Variants in FNDC3B observed in about 807,000 individuals in gnomAD.
FNDC3B encodes the protein fibronectin type III domain-containing protein 3B.
Under a neutral mutation model 151.5 loss-of-function variants are expected in FNDC3B, and 12 were observed. That is an observed-to-expected ratio of 0.08 (90% CI 0.05 to 0.13). The LOEUF (loss-of-function observed/expected upper bound fraction) is 0.13. Ranked by LOEUF, FNDC3B falls within the 10% of genes least tolerant of loss-of-function variation. The probability of loss-of-function intolerance (pLI) is 1.00; values close to 1 mark genes in which losing one functional copy is unlikely to be tolerated. For synonymous variants in FNDC3B, 528 were observed against 549.0 expected (o/e 0.96, Z 0.54); for missense variants, 1,214 against 1,505.3 (o/e 0.81, Z 3.20).
At chr3:172,135,074 G>A (rs1721295073) in intron 3 of FNDC3B, among the ~76,000 whole-genome samples, 2 of 151,754 alleles carry the variant, frequency 1.3e-5, no homozygotes, top group Admixed American at 6.6e-5. Flanking sequence ...CAGTAAGAAA[G>A]CAATTAAGCC....
intron 9 of FNDC3B, 99 bp downstream of exon 9, chr3:172,298,886 T>G (rs1489098282): frequency 2.5e-5 from 19 of 762,524 alleles, no homozygotes; most frequent in Non-Finnish European, 3.8e-5. Flanking sequence ...GTTGCTTACC[T>G]TGCTGAAAGT....
intron 12 of FNDC3B, chr3:172,329,803 G>A (rs1388885617): frequency 6.6e-6 from 1 of 152,088 alleles, no homozygotes; most frequent in Admixed American, 6.5e-5. Flanking sequence ...CCACCACCAT[G>A]GTAGCCATTA....
At chr3:172,247,126 T>C (rs1301801138) in intron 4 of FNDC3B, among the ~76,000 whole-genome samples, 1 of 152,168 alleles carries the variant, frequency 6.6e-6, no homozygotes, top group Non-Finnish European at 1.5e-5. Flanking sequence ...AGTACTTAGG[T>C]GGCACAGAAA....
At chr3:172,066,607 A>G (rs1215977741) in intron 1 of FNDC3B, among the ~76,000 whole-genome samples, 1 of 152,186 alleles carries the variant, frequency 6.6e-6, no homozygotes, top group African/African-American at 2.4e-5. Flanking sequence ...CTTGGTCACA[A>G]GGCTCAGATT....
intron 1 of FNDC3B, among the ~76,000 whole-genome samples, chr3:172,042,926 G>T (rs1446209510): frequency 6.7e-6 from 1 of 150,086 alleles, no homozygotes; most frequent in African/African-American, 2.5e-5. Flanking sequence ...CCTCCGCCTT[G>T]CTGGTTGAGA....
At chr3:172,100,166 G>A (rs1057143426) in intron 1 of FNDC3B, among the ~76,000 whole-genome samples, 17 of 152,122 alleles carry the variant, frequency 1.1e-4, no homozygotes, top group African/African-American at 2.4e-4. Context: ...TTTAAAACCC[G>A]TTAATGAATT....
chr3:172,054,374 C>T (rs1425681186), intron 1 of FNDC3B, among the ~76,000 whole-genome samples: 1 of 152,152 alleles, frequency 6.6e-6, no homozygotes, highest in Non-Finnish European at 1.5e-5. Context: ...ACCCTAAATG[C>T]GTCCTTTGTT....
intron 6 of FNDC3B, among the ~76,000 whole-genome samples, chr3:172,281,791 A>G (rs559046914): frequency 6.6e-6 from 1 of 152,340 alleles, no homozygotes; most frequent in East Asian, 1.9e-4. Flanking sequence ...GAATAAAAGA[A>G]GCTACCCTAA....
intron 3 of FNDC3B, among the ~76,000 whole-genome samples, chr3:172,218,288 G>A (rs1390620821): frequency 5.3e-5 from 8 of 152,048 alleles, no homozygotes; most frequent in Non-Finnish European, 1.0e-4. Flanking sequence ...CTAGGGTTGG[G>A]GGGAGTAGAC....
intron 3 of FNDC3B, among the ~76,000 whole-genome samples, chr3:172,223,240 A>T (rs146048035): frequency 6.2e-4 from 94 of 152,334 alleles, no homozygotes; most frequent in African/African-American, 2.1e-3. Flanking sequence ...TTTTCGTACC[A>T]CTATGGTGAA....
At chr3:172,311,826 C>T (rs1408839825) in intron 11 of FNDC3B, among the ~76,000 whole-genome samples, 3 of 150,542 alleles carry the variant, frequency 2.0e-5, no homozygotes, top group Admixed American at 6.6e-5. Flanking sequence ...TGCAGTGAGC[C>T]GAGATCGCAC....
At chr3:172,204,934 G>T (rs923295736) in intron 3 of FNDC3B, among the ~76,000 whole-genome samples, 1 of 152,210 alleles carries the variant, frequency 6.6e-6, no homozygotes, top group East Asian at 1.9e-4. Context: ...GGTCTGTGTT[G>T]CTTATTGAGT....
At chr3:172,251,171 T>A in intron 5 of FNDC3B, 89 bp from the exon 6 acceptor site, 1 of 1,050,860 alleles carries the variant, frequency 9.5e-7, no homozygotes, top group Non-Finnish European at 1.4e-6. Context: ...TACTTTAGAC[T>A]TCTTCAGGAG....
At chr3:172,142,865 T>C (rs1169517411) in intron 3 of FNDC3B, among the ~76,000 whole-genome samples, 1 of 152,226 alleles carries the variant, frequency 6.6e-6, no homozygotes, top group Non-Finnish European at 1.5e-5. Context: ...AAGATCAAGA[T>C]ACTAGCTTCT....
intron 3 of FNDC3B, among the ~76,000 whole-genome samples, chr3:172,147,750 G>A (rs981475457): frequency 6.6e-6 from 1 of 152,080 alleles, no homozygotes; most frequent in Non-Finnish European, 1.5e-5. Context: ...TGGTTCAGGA[G>A]TTCTGAGACT....
chr3:172,346,137 C>T, intron 19 of FNDC3B, 190 bp from the exon 20 acceptor site: 1 of 355,634 alleles, frequency 2.8e-6, no homozygotes, highest in Non-Finnish European at 5.0e-6. Flanking sequence ...TACTCAGGGA[C>T]TGTATATAGG....
chr3:172,352,592 G>A lies in FNDC3B; in HGVS notation c.2515-211G>A, dbSNP rs938992476. Among the ~76,000 whole-genome samples the A allele has an allele frequency of 6.6e-6, 1 of 152,142 alleles. No individual in the cohort carries two copies. The highest frequency in any genetic ancestry group is 1.5e-5 in the Non-Finnish European group (1 of 68,026). On this transcript the variant is annotated intron_variant, in intron 21 of 25. Coordinates refer to ENST00000415807, the MANE Select transcript of FNDC3B (RefSeq NM_022763.4). This position sits in a 1 kb window ranked among gnomAD's most constrained non-coding sequence, Gnocchi z 4.2. ...TAAATTATTTGTCATAAGAAACGAT[G>A]GTGGCCATATTTTGCTTTAATAATG...
At chr3:172,057,536 G>T (rs1716973646) in intron 1 of FNDC3B, among the ~76,000 whole-genome samples, 2 of 152,134 alleles carry the variant, frequency 1.3e-5, no homozygotes, top group East Asian at 3.8e-4. Flanking sequence ...AGGGGTTGGG[G>T]GGAAGAACAA....
chr3:172,323,816 T>A (rs1732209546), intron 11 of FNDC3B, among the ~76,000 whole-genome samples: 1 of 152,128 alleles, frequency 6.6e-6, no homozygotes, highest in African/African-American at 2.4e-5. Context: ...TAGACTCCCA[T>A]TATTAATTAG....
Sources: allele counts gnomAD v4.1 joint callset (sites outside exome capture counted in the v4.1 genomes callset), GRCh38; gene constraint gnomAD v4.1.1; non-coding constraint Gnocchi (gnomAD v3.1); transcripts MANE v1.5; gene names NCBI Gene and HGNC (gene_info 2026-07-23, HGNC 2026-07-21).